Variants in MYO3B observed in about 807,000 individuals in gnomAD.
The protein encoded by MYO3B is myosin IIIB.
In MYO3B, 156 loss-of-function variants were observed where a neutral mutation model predicts 174.6. The ratio of observed to expected loss-of-function variants is 0.89; its 90% CI spans 0.78 to 1.02. The LOEUF is 1.02. Ranked by LOEUF, MYO3B falls within the 50% of genes least tolerant of loss-of-function variation. The pLI, the probability that MYO3B is intolerant of heterozygous loss-of-function variation, is 0.00. For missense variants in MYO3B, 1,632 were observed against 1,639.4 expected (o/e 1.00, Z 0.08); for synonymous variants, 563 against 569.1 (o/e 0.99, Z 0.15).
Position 170,654,037 on chromosome 2 carries a change from AAACTTAACT to A in MYO3B, c.*919_*927del, listed in dbSNP as rs1014122515. ...TCTAGTGAATGGAGAATACATGGAGAAACTTAACTAAGTTACACAAGCATATCTGACAGG... is the reference window on the plus strand; with the variant it reads ...TCTAGTGAATGGAGAATACATGGAGAAAGTTACACAAGCATATCTGACAGG... On this transcript the variant is annotated 3_prime_UTR_variant, in exon 35 of 35. Coordinates refer to ENST00000408978, the MANE Select transcript of MYO3B (RefSeq NM_138995.5). 100 of 152,330 alleles carry A rather than the reference AAACTTAACT, an allele frequency of 6.6e-4. No individual in the cohort carries two copies. The highest frequency in any genetic ancestry group is 2.1e-3 in the African/African-American group (89 of 41,572). 9.4% of individuals were successfully genotyped at this position (152,330 alleles called of 1,614,324 possible). A position where few individuals can be genotyped will look rare whatever the true frequency, so the allele number is the denominator to read the frequency against.
At chr2:170,213,621 A>G (rs1481421765) in intron 3 of MYO3B, among the ~76,000 whole-genome samples, 1 of 152,194 alleles carries the variant, frequency 6.6e-6, no homozygotes, top group Admixed American at 6.5e-5. Context: ...ATAAAACAAT[A>G]TGAGAGGGTC....
chr2:170,453,515 C>G (rs1369846507), intron 23 of MYO3B, among the ~76,000 whole-genome samples: 2 of 151,456 alleles, frequency 1.3e-5, no homozygotes, highest in East Asian at 3.9e-4. Flanking sequence ...GTAAGAAATT[C>G]TTACCCTTTT....
chr2:170,335,360 G>GA (rs1192095092), intron 7 of MYO3B, 25 bp from the exon 8 acceptor site: 4 of 1,576,502 alleles, frequency 2.5e-6, no homozygotes, highest in South Asian at 1.1e-5. Flanking sequence ...TCTTTCTTAA[G>GA]AAAAAATTGC....
intron 8 of MYO3B, among the ~76,000 whole-genome samples, chr2:170,358,281 T>C (rs974413966): frequency 6.6e-6 from 1 of 152,140 alleles, no homozygotes; most frequent in Non-Finnish European, 1.5e-5. Flanking sequence ...GAAATATTAA[T>C]ATATGCTGTG....
chr2:170,545,091 A>G lies in MYO3B; in HGVS notation c.3733+1103A>G, dbSNP rs57225339. ...TGATATGTTTTGGTTTAAATCTATC[A>G]TCTTGCTATTTATTTTCTATTTGTC... On this transcript the variant is annotated intron_variant, in intron 32 of 34. Transcript: ENST00000408978. 0.029 allele frequency among the ~76,000 whole-genome samples: 4,393 copies of G among 152,294 alleles called. 548 individuals are homozygous for G. The East Asian group carries it at 0.44, about 15-fold the overall frequency.
At chr2:170,332,575 C>T (rs930923255) in intron 7 of MYO3B, among the ~76,000 whole-genome samples, 9 of 152,134 alleles carry the variant, frequency 5.9e-5, no homozygotes, top group African/African-American at 2.2e-4. Flanking sequence ...AGATAATAAT[C>T]TTTCACAAGA....
chr2:170,400,742 A>G (rs1384894681), intron 17 of MYO3B, among the ~76,000 whole-genome samples: 2 of 151,558 alleles, frequency 1.3e-5, no homozygotes, highest in Non-Finnish European at 2.9e-5. Flanking sequence ...TATTTCCCCA[A>G]GGATGTCCTG....
chr2:170,641,860 G>C (rs992803676), intron 32 of MYO3B, among the ~76,000 whole-genome samples: 19 of 46,684 alleles, frequency 4.1e-4, no homozygotes, highest in East Asian at 2.0e-3. Context: ...TTGTTAAGTG[G>C]GGGGGGGGGG....
intron 17 of MYO3B, 119 bp downstream of exon 17, chr2:170,400,433 TCTCA>T: frequency 3.3e-6 from 4 of 1,208,278 alleles, no homozygotes; most frequent in South Asian, 1.5e-5. Context: ...CGAGATGGAG[TCTCA>T]CTCTGTCATC....
chr2:170,201,837 C>T (rs2092665698), intron 3 of MYO3B, among the ~76,000 whole-genome samples: 1 of 151,794 alleles, frequency 6.6e-6, no homozygotes, highest in Non-Finnish European at 1.5e-5. Flanking sequence ...TGTAAGATCT[C>T]TGTGTTTTAA....
intron 32 of MYO3B, among the ~76,000 whole-genome samples, chr2:170,572,194 C>T (rs1484638922): frequency 6.6e-6 from 1 of 152,094 alleles, no homozygotes; most frequent in Non-Finnish European, 1.5e-5. Context: ...ATTTAGGAGG[C>T]CGAGGCGGGT....
intron 7 of MYO3B, among the ~76,000 whole-genome samples, chr2:170,258,961 T>C (rs2093325489): frequency 6.6e-6 from 1 of 152,094 alleles, no homozygotes; most frequent in Non-Finnish European, 1.5e-5. Flanking sequence ...CACTGTCCAA[T>C]TTACAATACA....
At chr2:170,218,906 T>C (rs543916120) in intron 6 of MYO3B, among the ~76,000 whole-genome samples, 1 of 152,330 alleles carries the variant, frequency 6.6e-6, no homozygotes, top group South Asian at 2.1e-4. Flanking sequence ...CAAAACTTCT[T>C]TGAATTTTGA....
intron 25 of MYO3B, among the ~76,000 whole-genome samples, chr2:170,482,313 CCTAA>C (rs752929429): frequency 6.6e-6 from 1 of 152,160 alleles, no homozygotes; most frequent in Non-Finnish European, 1.5e-5. Flanking sequence ...CACCACCATG[CCTAA>C]CTAATTTTTG....
intron 32 of MYO3B, among the ~76,000 whole-genome samples, chr2:170,570,347 T>A (rs1420957925): frequency 6.6e-6 from 1 of 152,228 alleles, no homozygotes; most frequent in Non-Finnish European, 1.5e-5. Context: ...TCTTCCTTTT[T>A]ATTTAGCTGC....
intron 25 of MYO3B, among the ~76,000 whole-genome samples, chr2:170,492,256 A>G (rs965750160): frequency 3.0e-4 from 45 of 152,140 alleles, no homozygotes; most frequent in African/African-American, 1.1e-3. Flanking sequence ...ATCCTCTCAG[A>G]TGGTTCTTTC....
At chr2:170,255,487 T>A (rs2093296733) in intron 7 of MYO3B, among the ~76,000 whole-genome samples, 1 of 152,132 alleles carries the variant, frequency 6.6e-6, no homozygotes, top group South Asian at 2.1e-4. Context: ...CAAAAATAAG[T>A]TCCTTCAGCA....
At chr2:170,549,415 A>T (rs1210195969) in intron 32 of MYO3B, among the ~76,000 whole-genome samples, 1 of 152,216 alleles carries the variant, frequency 6.6e-6, no homozygotes, top group Non-Finnish European at 1.5e-5. Flanking sequence ...ATCAGGCATT[A>T]GTGATTGATT....
chr2:170,562,257 C>T (rs946164528), intron 32 of MYO3B, among the ~76,000 whole-genome samples: 1 of 152,040 alleles, frequency 6.6e-6, no homozygotes, highest in Non-Finnish European at 1.5e-5. Context: ...TCTTTGAAAG[C>T]AGTTTTTTCC....
Sources: allele counts gnomAD v4.1 joint callset (sites outside exome capture counted in the v4.1 genomes callset), GRCh38; gene constraint gnomAD v4.1.1; transcripts MANE v1.5; gene names NCBI Gene and HGNC (gene_info 2026-07-23, HGNC 2026-07-21).